Variants in KCNMA1 observed in about 807,000 individuals in gnomAD.
KCNMA1 encodes Calcium-activated potassium channel subunit alpha-1.
In KCNMA1, 29 loss-of-function variants were observed where a neutral mutation model predicts 140.0. The ratio of observed to expected loss-of-function variants is 0.21; its 90% CI spans 0.15 to 0.28. The LOEUF (loss-of-function observed/expected upper bound fraction) is 0.28. KCNMA1 is among the 10% of genes least tolerant of loss of function. The pLI is 1.00. For missense variants in KCNMA1, 880 were observed against 1,602.2 expected (o/e 0.55, Z 7.70); for synonymous variants, 612 against 611.9 (o/e 1.00, Z 0.00).
intron 1 of KCNMA1, among the ~76,000 whole-genome samples, chr10:77,445,992 AAC>A (rs1363267238): frequency 1.3e-5 from 2 of 152,214 alleles, no homozygotes; most frequent in African/African-American, 4.8e-5. Context: ...AGAGGCTGGA[AAC>A]ACAGACAGGG....
At chr10:77,216,194 G>A (rs950249351) in intron 3 of KCNMA1, among the ~76,000 whole-genome samples, 2 of 152,140 alleles carry the variant, frequency 1.3e-5, no homozygotes, top group African/African-American at 4.8e-5. Context: ...GGGGGACTGG[G>A]AGAATGTGGA....
chr10:77,105,114 A>G (rs2097174955), intron 9 of KCNMA1, among the ~76,000 whole-genome samples: 1 of 152,186 alleles, frequency 6.6e-6, no homozygotes, highest in African/African-American at 2.4e-5. Flanking sequence ...AGATGCTCCA[A>G]TCCATCATAA....
Position 77,454,498 on chromosome 10 carries a change from T to C in KCNMA1, c.379-50475A>G, listed in dbSNP as rs368880112. Among the ~76,000 whole-genome samples the C allele has an allele frequency of 2.1e-3, 327 of 152,350 alleles. 1 individual carries two copies. Among genetic ancestry groups the C allele is most frequent in the African/African-American group, 7.6e-3 (314 of 41,588 alleles). On this transcript the variant is annotated intron_variant, in intron 1 of 27. Transcript: ENST00000286628. ...ATCTTCTAATTCTCTGCCTATAATT[T>C]TACAAATGTCTGTGGCTATCTTTAG...
Position 77,493,932 on chromosome 10 carries a change from G to T in KCNMA1, c.379-89909C>A, listed in dbSNP as rs1331565123. The stretch of plus-strand genomic sequence containing the variant: ...CCCTGGAGTCTTGGTTTCCTCCCCT[G>T]CAGAATGAGAGTGACGCTGATAAGA... On this transcript the variant is annotated intron_variant, in intron 1 of 27. Transcript: ENST00000286628. 2.0e-5 allele frequency: 3 copies of T among 152,322 alleles called. No homozygotes were observed. The East Asian group carries it at 5.8e-4, about 29-fold the overall frequency. 9.4% of individuals were successfully genotyped at this position (152,322 alleles called of 1,614,324 possible). A position where few individuals can be genotyped will look rare whatever the true frequency, so the allele number is the denominator to read the frequency against.
intron 24 of KCNMA1, 70 bp downstream of exon 24, chr10:76,914,866 A>G: frequency 8.7e-7 from 1 of 1,153,636 alleles, no homozygotes; most frequent in Non-Finnish European, 1.3e-6. Flanking sequence ...AAATAAACCA[A>G]CCTCCTCATA....
chr10:77,559,214 C>T (rs2065536003), intron 1 of KCNMA1, among the ~76,000 whole-genome samples: 2 of 152,204 alleles, frequency 1.3e-5, no homozygotes. Context: ...CACACTGGTG[C>T]ATCCCTACCA....
chr10:77,612,754 C>T (rs2087460475), intron 1 of KCNMA1, among the ~76,000 whole-genome samples: 1 of 152,152 alleles, frequency 6.6e-6, no homozygotes, highest in Non-Finnish European at 1.5e-5. Context: ...GTACCTTCCT[C>T]TCTTCACTTC....
At chr10:77,109,805 C>T (rs992549155) in intron 8 of KCNMA1, among the ~76,000 whole-genome samples, 2 of 152,152 alleles carry the variant, frequency 1.3e-5, no homozygotes, top group African/African-American at 2.4e-5. Flanking sequence ...TACAAAGTAT[C>T]GACAGCTTCT....
rs973947820 is a variant in KCNMA1 at position 76,954,085 on chromosome 10, C to T, written c.2361-161G>A. Among the ~76,000 whole-genome samples the T allele has an allele frequency of 2.2e-4, 33 of 152,198 alleles. 1 individual carries two copies. Among genetic ancestry groups the T allele is most frequent in the Non-Finnish European group, 2.9e-5 (2 of 68,026 alleles). ...ACAGAATCCATCCTTTGAGAGACAA[C>T]TGCCCCAAACCACCACCCCACTTCT... On this transcript the variant is annotated intron_variant, in intron 20 of 27. Transcript: ENST00000286628.
chr10:77,124,272 G>A (rs549095471), intron 5 of KCNMA1, among the ~76,000 whole-genome samples: 8 of 152,212 alleles, frequency 5.3e-5, no homozygotes, highest in East Asian at 1.9e-4. Flanking sequence ...TGTTTGTATC[G>A]TATATCCATT....
intron 25 of KCNMA1, among the ~76,000 whole-genome samples, chr10:76,895,339 C>T (rs1448946418): frequency 6.6e-6 from 1 of 152,160 alleles, no homozygotes; most frequent in Non-Finnish European, 1.5e-5. Flanking sequence ...TTGTCTGCAG[C>T]TCGTCCTGCT....
intron 1 of KCNMA1, among the ~76,000 whole-genome samples, chr10:77,426,631 C>T (rs972415337): frequency 5.9e-5 from 9 of 152,206 alleles, no homozygotes; most frequent in African/African-American, 2.2e-4. Context: ...CAGAGCTAGT[C>T]TCTCTCCCAC....
intron 25 of KCNMA1, among the ~76,000 whole-genome samples, chr10:76,898,875 A>G (rs755304532): frequency 7.9e-5 from 12 of 151,980 alleles, no homozygotes; most frequent in Admixed American, 2.6e-4. Flanking sequence ...AAGCAGGATG[A>G]AAAGTGTCAG....
chr10:77,519,516 T>C (rs147834138), intron 1 of KCNMA1, among the ~76,000 whole-genome samples: 1 of 152,066 alleles, frequency 6.6e-6, no homozygotes, highest in Non-Finnish European at 1.5e-5. Context: ...GTTTTATGAT[T>C]ATTTGCGGGC....
chr10:76,930,620 G>C (rs1374597377), intron 23 of KCNMA1, among the ~76,000 whole-genome samples: 1 of 151,968 alleles, frequency 6.6e-6, no homozygotes, highest in African/African-American at 2.4e-5. Flanking sequence ...CCCACTTCTG[G>C]GTATATATCC....
chr10:77,487,539 C>T (rs1182274978), intron 1 of KCNMA1, among the ~76,000 whole-genome samples: 1 of 152,178 alleles, frequency 6.6e-6, no homozygotes, highest in Non-Finnish European at 1.5e-5. Flanking sequence ...CCCCTTACCA[C>T]ACCCCCATTG....
rs898490729 is a variant in KCNMA1 at position 77,383,747 on chromosome 10, C to A, written c.540+20115G>T. 3.3e-5 allele frequency among the ~76,000 whole-genome samples: 5 copies of A among 152,272 alleles called. No homozygotes were observed. In the South Asian group the frequency reaches 8.3e-4, roughly 25 times the overall value. ...AGAGACAGGGTCTCTCTGGAGTGCA[C>A]TGGCATGATCATAGCTCACTGCACA... is the stretch of plus-strand genomic sequence containing the variant. On this transcript the variant is annotated intron_variant, in intron 2 of 27. Coordinates refer to ENST00000286628, the MANE Select transcript of KCNMA1 (RefSeq NM_001161352.2).
At chr10:77,168,441 C>T (rs1021713578) in intron 5 of KCNMA1, among the ~76,000 whole-genome samples, 3 of 152,216 alleles carry the variant, frequency 2.0e-5, no homozygotes, top group Non-Finnish European at 2.9e-5. Context: ...GCCTCCTACA[C>T]ACCTAGGCTA....
At chr10:77,039,870 CT>C (rs1204308098) in intron 14 of KCNMA1, among the ~76,000 whole-genome samples, 3 of 111,820 alleles carry the variant, frequency 2.7e-5, no homozygotes, top group Admixed American at 2.0e-4. Context: ...TTTCCTTTTT[CT>C]TTTTTCTTTT....
Sources: allele counts gnomAD v4.1 joint callset (sites outside exome capture counted in the v4.1 genomes callset), GRCh38; gene constraint gnomAD v4.1.1; transcripts MANE v1.5; gene names NCBI Gene and HGNC (gene_info 2026-07-23, HGNC 2026-07-21).